The following RTL3 variants were observed in gnomAD, a reference collection of about 807,000 sequenced individuals.
RTL3 encodes the protein retrotransposon Gag-like protein 3.
For synonymous variants in RTL3, 181 were observed against 132.2 expected, an observed-to-expected ratio of 1.37 and a Z score of -2.53; for missense variants, 468 against 341.8, an observed-to-expected ratio of 1.37 and a Z score of -2.91.
chrX:78,659,233 G>A (rs1183718655), intron 1 of RTL3, 28 bp downstream of exon 1: 7 of 109,387 alleles, frequency 6.4e-5, no homozygotes, highest in Non-Finnish European at 1.1e-4. Context: ...AAATAGTTAA[G>A]AAAATAATCT....
chrX:78,656,633 G>A lies in RTL3; in HGVS notation c.*360C>T. 1 of 185,178 alleles carries A rather than the reference G, an allele frequency of 5.4e-6. No individual in the cohort carries two copies. The highest frequency in any genetic ancestry group is 2.0e-3 in the Middle Eastern group (1 of 508). 15.3% of individuals were successfully genotyped at this position (185,178 alleles called of 1,213,427 possible). On this transcript the variant is annotated 3_prime_UTR_variant, in exon 2 of 2. Coordinates refer to ENST00000321110, the MANE Select transcript of RTL3 (RefSeq NM_152694.3). ...TTTGGGTCATGTGTCTCAAGCCAATGGATTCCAATAATCAGAGGGTATCGT... is the reference window on the plus strand; with the variant it reads ...TTTGGGTCATGTGTCTCAAGCCAATAGATTCCAATAATCAGAGGGTATCGT...
chrX:78,658,213 G>T lies in RTL3; in HGVS notation c.208C>A (p.Pro70Thr). Residue 70 changes from proline to threonine, a missense_variant, in exon 2 of 2, where the codon CCC (proline) becomes ACC (threonine). Physicochemically the swap from Pro to Thr is conservative, Grantham distance 38. Transcript: ENST00000321110. ...TTTTGGGCCTCCCAGGCTGCTGGGG[G>T]ATTCATGTGCTCTGGGAGCTTCTGG... is the stretch of plus-strand genomic sequence containing the variant. Reference protein sequence around the residue: ...EPQKLPEHMNPPAAWEAQKTP... With the variant: ...EPQKLPEHMNTPAAWEAQKTP... 8.3e-7 allele frequency: 1 copy of T among 1,207,494 alleles called. No homozygotes were observed. Among genetic ancestry groups the T allele is most frequent in the Non-Finnish European group, 1.1e-6 (1 of 893,825 alleles).
chrX:78,657,127 T>C lies in RTL3; in HGVS notation c.1294A>G (p.Ser432Gly), dbSNP rs748613434. 49 of 1,210,792 alleles carry C rather than the reference T, an allele frequency of 4.0e-5. No individual in the cohort carries two copies. Among genetic ancestry groups the C allele is most frequent in the Non-Finnish European group, 5.2e-5 (47 of 895,408 alleles). The change falls in exon 2 of 2, where the codon AGT becomes GGT. Residue 432 changes from serine (S) to glycine (G), a missense_variant. Ser to Gly is a moderately conservative substitution (Grantham distance 56). Transcript: ENST00000321110. ...MQAAINCPHISEAEWVRWHKG... is the reference protein window; with the variant it reads ...MQAAINCPHIGEAEWVRWHKG... ...TGCCAACGGACCCATTCAGCTTCAC[T>C]GATGTGTGGGCAGTTGATTGCAGCC...
rs377087278 is a variant in RTL3 at position 78,658,212 on chromosome X, G to A, written c.209C>T (p.Pro70Leu). The A allele has an allele frequency of 2.2e-5, 27 of 1,204,438 alleles. No individual in the cohort carries two copies. The highest frequency in any genetic ancestry group is 2.9e-5 in the Non-Finnish European group (26 of 893,174). ...EPQKLPEHMN[P>L]PAAWEAQKTP... ...CTTTTGGGCCTCCCAGGCTGCTGGG[G>A]GATTCATGTGCTCTGGGAGCTTCTG... is the stretch of plus-strand genomic sequence containing the variant. Residue 70 changes from proline (P) to leucine (L), a missense_variant, in exon 2 of 2, where the codon CCC (proline) becomes CTC (leucine). Pro to Leu is a moderately conservative substitution (Grantham distance 98). Coordinates refer to ENST00000321110, the MANE Select transcript of RTL3 (RefSeq NM_152694.3).
chrX:78,657,701 G>A lies in RTL3; in HGVS notation c.720C>T (p.Tyr240=). ...GLEATDFPLQ[Y]TLTFSGDSQK... is the part of the protein sequence containing the mutation. ...GGGAATCTCCACTGAAGGTTAAAGT[G>A]TATTGCAGGGGGAAATCTGTAGCCT... Residue 240 remains tyrosine, a synonymous_variant, in exon 2 of 2, where the codon TAC becomes TAT. Coordinates refer to ENST00000321110, the MANE Select transcript of RTL3 (RefSeq NM_152694.3). The A allele has an allele frequency of 6.6e-6, 8 of 1,210,501 alleles. No homozygotes were observed. The highest frequency in any genetic ancestry group is 1.8e-5 in the South Asian group (1 of 56,662).
At position 78,656,095 on chromosome X, in the gene RTL3, T is replaced by G. The variant is rs1922971664; in HGVS notation, c.*898A>C. Reference sequence around the variant, plus strand: ...GAAATTGCTAATATTTATTGATTCTTTTAAGAAATATCACTTACAAACTTA... The same window carrying G: ...GAAATTGCTAATATTTATTGATTCTGTTAAGAAATATCACTTACAAACTTA... On this transcript the variant is annotated 3_prime_UTR_variant, in exon 2 of 2. Transcript: ENST00000321110. 8.9e-6 allele frequency: 1 copy of G among 112,112 alleles called. No homozygotes were observed. The highest frequency in any genetic ancestry group is 1.9e-5 in the Non-Finnish European group (1 of 53,253). 9.2% of individuals were successfully genotyped at this position (112,112 alleles called of 1,213,427 possible). A position where few individuals can be genotyped will look rare whatever the true frequency, so the allele number is the denominator to read the frequency against.
chrX:78,657,451 C>G lies in RTL3; in HGVS notation c.970G>C (p.Asp324His), dbSNP rs777409756. 21 of 1,210,451 alleles carry G rather than the reference C, an allele frequency of 1.7e-5. No individual in the cohort carries two copies. Among genetic ancestry groups the G allele is most frequent in the Non-Finnish European group, 2.1e-5 (19 of 894,779 alleles). ...DTFDNPENMK[D>H]ANQCIHQLCQ... is the part of the protein sequence containing the mutation. ...AGTTGATGGATGCACTGGTTGGCATCTTTCATGTTTTCTGGATTATCAAAA... is the reference window on the plus strand; with the variant it reads ...AGTTGATGGATGCACTGGTTGGCATGTTTCATGTTTTCTGGATTATCAAAA... Residue 324 changes from aspartate to histidine, a missense_variant, in exon 2 of 2, where the codon GAT becomes CAT. Asp to His is a moderately conservative substitution (Grantham distance 81, BLOSUM62 -1). Coordinates refer to ENST00000321110, the MANE Select transcript of RTL3 (RefSeq NM_152694.3).
chrX:78,657,209 A>G lies in RTL3; in HGVS notation c.1212T>C (p.Ser404=). Residue 404 remains serine, a synonymous_variant, in exon 2 of 2, where the codon AGT becomes AGC. Transcript: ENST00000321110. ...CGGGTCCATCTCCCTCTGCAGAGGA[A>G]CTTTTCCCTAATGGATTGGGATCAG... ...EKPDPNPLGK[S]SSAEGDGPES... 5 of 1,212,072 alleles carry G rather than the reference A, an allele frequency of 4.1e-6. No individual in the cohort carries two copies. Among genetic ancestry groups the G allele is most frequent in the Non-Finnish European group, 5.6e-6 (5 of 895,576 alleles).
At position 78,656,635 on chromosome X, in the gene RTL3, A is replaced by T; in HGVS notation, c.*358T>A. The T allele has an allele frequency of 5.4e-6, 1 of 186,203 alleles. No individual in the cohort carries two copies. Among genetic ancestry groups the T allele is most frequent in the Non-Finnish European group, 9.9e-6 (1 of 100,548 alleles). The allele number at this position is 186,203 out of a possible 1,213,427, so 15.3% of individuals were successfully genotyped here. ...TGGGTCATGTGTCTCAAGCCAATGG[A>T]TTCCAATAATCAGAGGGTATCGTGG... is the stretch of plus-strand genomic sequence containing the variant. On this transcript the variant is annotated 3_prime_UTR_variant, in exon 2 of 2. Transcript: ENST00000321110.
rs1361916623 is a variant in RTL3, at chrX:78,656,375, CGTT to C, written c.*615_*617del. 1.3e-4 allele frequency: 14 copies of C among 110,354 alleles called. No homozygotes were observed. The highest frequency in any genetic ancestry group is 4.3e-4 in the African/African-American group (13 of 30,027). 9.1% of individuals were successfully genotyped at this position (110,354 alleles called of 1,213,427 possible). A position where few individuals can be genotyped will look rare whatever the true frequency, so the allele number is the denominator to read the frequency against. ...CAGTCTATCATCTAAGAGGCAGAGT[CGTT>C]GTACAGGTAGCCTTAGTACATAGCA... is the stretch of plus-strand genomic sequence containing the variant. On this transcript the variant is annotated 3_prime_UTR_variant, in exon 2 of 2. Coordinates refer to ENST00000321110, the MANE Select transcript of RTL3 (RefSeq NM_152694.3).
Position 78,656,959 on chromosome X carries a change from G to A in RTL3, c.*34C>T, listed in dbSNP as rs749673861. ...CATGGATATTGGAAGAGAGGGGGAC[G>A]CATATTTGTAGATTGGCCCACGTGG... On this transcript the variant is annotated 3_prime_UTR_variant, in exon 2 of 2. Transcript: ENST00000321110. The A allele has an allele frequency of 1.8e-5, 21 of 1,138,572 alleles. No homozygotes were observed. In the South Asian group the frequency reaches 2.0e-4, roughly 11 times the overall value. The allele number at this position is 1,138,572 out of a possible 1,213,427, so 93.8% of individuals were successfully genotyped here.
chrX:78,657,809 T>A lies in RTL3; in HGVS notation c.612A>T (p.Ser204=). 1 of 1,211,729 alleles carries A rather than the reference T, an allele frequency of 8.3e-7. No homozygotes were observed. Among genetic ancestry groups the A allele is most frequent in the Non-Finnish European group, 1.1e-6 (1 of 895,467 alleles). The part of the protein sequence containing the change: ...PSNAQEFLEL[S]AAQESLEGLI... The stretch of plus-strand genomic sequence containing the variant: ...GACCCTCCAGGGACTCCTGGGCTGC[T>A]GAGAGTTCTAGGAATTCCTGGGCAT... Residue 204 remains serine (S), a synonymous_variant, in exon 2 of 2, where the codon TCA becomes TCT. Transcript: ENST00000321110.
rs369311059 is a variant in RTL3 at position 78,657,108 on chromosome X, C to T, written c.1313G>A (p.Arg438His). The T allele has an allele frequency of 6.5e-5, 79 of 1,210,980 alleles. No homozygotes were observed. The African/African-American group carries it at 7.0e-4, about 11-fold the overall frequency. ...CPHISEAEWVRWHKGRLCLYC... is the reference protein window; with the variant it reads ...CPHISEAEWVHWHKGRLCLYC... ...GAGGCATAAGCGGCCTTTGTGCCAA[C>T]GGACCCATTCAGCTTCACTGATGTG... The change falls in exon 2 of 2, where the codon CGT (arginine) becomes CAT (histidine). Residue 438 changes from arginine (R) to histidine (H), a missense_variant. Transcript: ENST00000321110.
At position 78,657,977 on chromosome X, in the gene RTL3, T is replaced by A; in HGVS notation, c.444A>T (p.Thr148=). ...CTGAATTCTTGGGCTCTTGGGCTAT[T>A]GTGGCATCCTGGGTGTTTGCAGGCC... ...GQGPANTQDA[T]IAQEPKNSEP... The change falls in exon 2 of 2, where the codon ACA becomes ACT. Residue 148 remains threonine, a synonymous_variant. Coordinates refer to ENST00000321110, the MANE Select transcript of RTL3 (RefSeq NM_152694.3). The A allele has an allele frequency of 8.3e-7, 1 of 1,205,008 alleles. No individual in the cohort carries two copies.
At chrX:78,658,846 C>T (rs1923077184) in intron 1 of RTL3, among the ~76,000 whole-genome samples, 198 bp from the exon 2 acceptor site, 1 of 111,790 alleles carries the variant, frequency 8.9e-6, no homozygotes, top group African/African-American at 3.3e-5. Context: ...TTGCATTTAT[C>T]CTTTGAAACT....
In RTL3 at chrX:78,658,124, G is replaced by C; in HGVS notation, c.297C>G (p.Pro99=). The C allele has an allele frequency of 8.7e-7, 1 of 1,153,265 alleles. No individual in the cohort carries two copies. Among genetic ancestry groups the C allele is most frequent in the Non-Finnish European group, 1.1e-6 (1 of 871,110 alleles). Residue 99 remains proline (P), a synonymous_variant, in exon 2 of 2, where the codon CCC becomes CCG. Transcript: ENST00000321110. ...PEPQDLLPWE[P]PAAWELQEAP... The stretch of plus-strand genomic sequence containing the variant: ...CCTCCTGGAGTTCCCAGGCTGCTGG[G>C]GGTTCCCAGGGTAGAAGATCCTGTG...
In RTL3 at chrX:78,657,089, T is replaced by A. The variant is rs2055906374; in HGVS notation, c.1332A>T (p.Leu444Phe). 1.6e-6 allele frequency: 2 copies of A among 1,212,265 alleles called. No individual in the cohort carries two copies. The highest frequency in any genetic ancestry group is 2.2e-5 in the Admixed American group (1 of 46,125). ...AEWVRWHKGR[L>F]CLYCGYPGHF... ...GACCAGGATAACCACAGTAGAGGCA[T>A]AAGCGGCCTTTGTGCCAACGGACCC... is the stretch of plus-strand genomic sequence containing the variant. The change falls in exon 2 of 2, where the codon TTA becomes TTT. Residue 444 changes from leucine (L) to phenylalanine (F), a missense_variant. Physicochemically the swap from Leu to Phe is conservative, Grantham distance 22. Coordinates refer to ENST00000321110, the MANE Select transcript of RTL3 (RefSeq NM_152694.3).
At chrX:78,659,027 C>A (rs989486437) in intron 1 of RTL3, among the ~76,000 whole-genome samples, 3 of 108,810 alleles carry the variant, frequency 2.8e-5, no homozygotes, top group African/African-American at 1.0e-4. Flanking sequence ...GGTGGGCCAG[C>A]CCAAGAGATA....
chrX:78,658,018 C>T lies in RTL3; in HGVS notation c.403G>A (p.Val135Ile). The change falls in exon 2 of 2, where the codon GTC becomes ATC. Residue 135 changes from valine (V) to isoleucine (I), a missense_variant. Physicochemically the swap from Val to Ile is conservative, Grantham distance 29. Transcript: ENST00000321110. Reference protein sequence around the residue: ...KPPMAHEIPTVLEGQGPANTQ... With the variant: ...KPPMAHEIPTILEGQGPANTQ... The stretch of plus-strand genomic sequence containing the variant: ...TTTGCAGGCCCCTGGCCCTCCAAGA[C>T]TGTTGGGATCTCATGGGCCATTGGA... The T allele has an allele frequency of 8.5e-7, 1 of 1,173,458 alleles. No individual in the cohort carries two copies. Among genetic ancestry groups the T allele is most frequent in the African/African-American group, 1.8e-5 (1 of 55,542 alleles).
Sources: allele counts gnomAD v4.1 joint callset (sites outside exome capture counted in the v4.1 genomes callset), GRCh38; gene constraint gnomAD v4.1.1; transcripts MANE v1.5; gene names NCBI Gene and HGNC (gene_info 2026-07-23, HGNC 2026-07-21).